Variants in SIGLEC9 observed in about 807,000 individuals in gnomAD.
SIGLEC9 encodes sialic acid binding Ig like lectin 9.
In SIGLEC9, 26 loss-of-function variants were observed where a neutral mutation model predicts 38.3. The observed-to-expected ratio is 0.68, with a 90% CI of 0.50 to 0.94. The LOEUF is 0.94. Ranked by LOEUF, SIGLEC9 falls within the 40% of genes least tolerant of loss-of-function variation. The probability of loss-of-function intolerance (pLI) is 0.00; values close to 1 mark genes in which losing one functional copy is unlikely to be tolerated. For synonymous variants in SIGLEC9, 236 were observed against 248.0 expected, an observed-to-expected ratio of 0.95 and a Z score of 0.45; for missense variants, 556 against 585.7, an observed-to-expected ratio of 0.95 and a Z score of 0.52.
chr19:51,122,028 G>C (rs2091951205), upstream of SIGLEC9, among the ~76,000 whole-genome samples: 1 of 151,860 alleles, frequency 6.6e-6, no homozygotes, highest in African/African-American at 2.4e-5. The surrounding 1 kb of genome is among the most constrained non-coding windows in gnomAD (Gnocchi z 4.1). Context: ...AGAGTCCCCT[G>C]TGACTCCTCG....
chr19:51,133,196 C>T (rs1446803624), downstream of SIGLEC9, among the ~76,000 whole-genome samples: 1 of 152,002 alleles, frequency 6.6e-6, no homozygotes, highest in Non-Finnish European at 1.5e-5. Flanking sequence ...GACTAGAGTA[C>T]AGTCTACAAA....
downstream of SIGLEC9, among the ~76,000 whole-genome samples, chr19:51,134,160 T>TC (rs1297825743): frequency 1.5e-5 from 2 of 135,390 alleles, no homozygotes; most frequent in Non-Finnish European, 3.2e-5. Context: ...TTTTTTTTTT[T>TC]TTTTTTTTTT....
At chr19:51,129,792 G>A (rs575691689) in intron 6 of SIGLEC9, 99 bp from the exon 7 acceptor site, 17 of 827,156 alleles carry the variant, frequency 2.1e-5, no homozygotes, top group African/African-American at 6.9e-5. Flanking sequence ...CAGGTGATCC[G>A]CCTACCTCAG....
chr19:51,130,523 T>C (rs2092009767), downstream of SIGLEC9, among the ~76,000 whole-genome samples: 1 of 152,178 alleles, frequency 6.6e-6, no homozygotes. Context: ...TCTGTGTCAC[T>C]TGCCTGCAAA....
chr19:51,125,017 G>A lies in SIGLEC9; in HGVS notation c.43G>A (p.Ala15Thr). 1.2e-6 allele frequency: 2 copies of A among 1,612,642 alleles called. No individual in the cohort carries two copies. Among genetic ancestry groups the A allele is most frequent in the Non-Finnish European group, 1.7e-6 (2 of 1,179,050 alleles). The change falls in exon 1 of 7, where the codon GCG becomes ACG. Residue 15 changes from alanine (A) to threonine (T), a missense_variant. Coordinates refer to ENST00000250360, the MANE Select transcript of SIGLEC9 (RefSeq NM_014441.3). ...GCCCCTGCTCTGGGGGAGGGAGAGGGCGGAAGGACAGACAAGTAAACTGCT... is the reference window on the plus strand; with the variant it reads ...GCCCCTGCTCTGGGGGAGGGAGAGGACGGAAGGACAGACAAGTAAACTGCT... ...LLPLLWGRER[A>T]EGQTSKLLTM...
At chr19:51,124,710 G>C (rs112626620), upstream of SIGLEC9, among the ~76,000 whole-genome samples, 64 of 152,268 alleles carry the variant, frequency 4.2e-4, no homozygotes, top group African/African-American at 1.5e-3. Context: ...GGCCCTGCAT[G>C]GGGTGGGAAT....
chr19:51,135,018 G>A (rs574528814), downstream of SIGLEC9, among the ~76,000 whole-genome samples: 3 of 152,270 alleles, frequency 2.0e-5, no homozygotes, highest in Admixed American at 6.5e-5. Flanking sequence ...TCTCCTCTGC[G>A]TCTCATGCTG....
At chr19:51,132,000 A>T (rs995709641), downstream of SIGLEC9, among the ~76,000 whole-genome samples, 1 of 152,016 alleles carries the variant, frequency 6.6e-6, no homozygotes, top group Non-Finnish European at 1.5e-5. Context: ...TTTGATGCCC[A>T]GTGTTGGCGG....
At chr19:51,120,290 A>G (rs1173264768), upstream of SIGLEC9, 1 of 152,262 alleles carries the variant, frequency 6.6e-6, no homozygotes, top group Admixed American at 6.5e-5. This position sits in a 1 kb window ranked among gnomAD's most constrained non-coding sequence, Gnocchi z 4.1. Context: ...AGGTTATTAC[A>G]TGAAATACAG....
chr19:51,132,701 C>A (rs948910376), downstream of SIGLEC9, among the ~76,000 whole-genome samples: 2 of 152,210 alleles, frequency 1.3e-5, no homozygotes, highest in Admixed American at 6.5e-5. Context: ...GCGTTCACTG[C>A]AGCTACAAGC....
At chr19:51,125,417 A>G (rs1296233650) in intron 1 of SIGLEC9, 22 bp downstream of exon 1, 3 of 1,566,276 alleles carry the variant, frequency 1.9e-6, no homozygotes, top group Non-Finnish European at 1.7e-6. Flanking sequence ...GCTCCAGGAA[A>G]GGCCACAGGG....
At chr19:51,123,331 G>C (rs2091955171), upstream of SIGLEC9, among the ~76,000 whole-genome samples, 1 of 152,226 alleles carries the variant, frequency 6.6e-6, no homozygotes, top group Non-Finnish European at 1.5e-5. Context: ...TGAGGCCCGT[G>C]TTGGCTCTGC....
At chr19:51,129,431 T>C (rs1245401552) in intron 6 of SIGLEC9, among the ~76,000 whole-genome samples, 1 of 152,068 alleles carries the variant, frequency 6.6e-6, no homozygotes, top group Non-Finnish European at 1.5e-5. Flanking sequence ...AGTGCTGGGA[T>C]TACAGGCGTG....
chr19:51,135,631 G>A (rs2092037722), intron 6 of SIGLEC9, among the ~76,000 whole-genome samples: 2 of 152,116 alleles, frequency 1.3e-5, no homozygotes, highest in South Asian at 4.1e-4. Flanking sequence ...TCTCTAGCAA[G>A]GTTGGGGAAA....
intron 3 of SIGLEC9, among the ~76,000 whole-genome samples, chr19:51,126,582 T>C (rs991942199): frequency 6.6e-6 from 1 of 152,168 alleles, no homozygotes; most frequent in African/African-American, 2.4e-5. Context: ...GAGTCTCGGT[T>C]TGTACACCTG....
chr19:51,122,462 T>G (rs1398201322), upstream of SIGLEC9, among the ~76,000 whole-genome samples: 2 of 151,452 alleles, frequency 1.3e-5, no homozygotes, highest in South Asian at 4.2e-4. This position sits in a 1 kb window ranked among gnomAD's most constrained non-coding sequence, Gnocchi z 4.1. Context: ...ATGCCTGTAA[T>G]CCCAGCTACT....
downstream of SIGLEC9, among the ~76,000 whole-genome samples, chr19:51,133,648 A>C (rs2092028489): frequency 6.6e-6 from 1 of 152,110 alleles, no homozygotes. Flanking sequence ...GGTAAAAACG[A>C]GTGTTGAGCT....
intron 1 of SIGLEC9, 100 bp from the exon 2 acceptor site, chr19:51,125,497 C>A: frequency 6.4e-7 from 1 of 1,554,146 alleles, no homozygotes; most frequent in South Asian, 1.2e-5. Flanking sequence ...TAGGGTGAAG[C>A]GAGTTGGCTC....
downstream of SIGLEC9, among the ~76,000 whole-genome samples, chr19:51,133,400 C>A (rs917497566): frequency 1.7e-4 from 25 of 143,676 alleles, no homozygotes; most frequent in African/African-American, 6.2e-4. Flanking sequence ...TGGTGAAACA[C>A]CATCTCTACC....
Sources: allele counts gnomAD v4.1 joint callset (sites outside exome capture counted in the v4.1 genomes callset), GRCh38; gene constraint gnomAD v4.1.1; non-coding constraint Gnocchi (gnomAD v3.1); transcripts MANE v1.5; gene names NCBI Gene and HGNC (gene_info 2026-07-23, HGNC 2026-07-21).